The following TPRG1 variants were observed in gnomAD, a reference collection of about 807,000 sequenced individuals.
TPRG1 encodes the protein tumor protein p63-regulated gene 1 protein.
A neutral mutation model predicts 29.3 loss-of-function variants in TPRG1; 29 were observed. The ratio of observed to expected loss-of-function variants is 0.99; its 90% CI spans 0.74 to 1.35. TPRG1 has a LOEUF of 1.35. Among genes scored for constraint, TPRG1 ranks in the 40% most tolerant of loss-of-function variants. The probability of loss-of-function intolerance (pLI) is 0.00; values close to 1 mark genes in which losing one functional copy is unlikely to be tolerated. For missense variants in TPRG1, 327 were observed against 335.0 expected (o/e 0.98, Z 0.19); for synonymous variants, 130 against 116.8 (o/e 1.11, Z -0.73).
intron 5 of TPRG1, among the ~76,000 whole-genome samples, chr3:189,154,214 G>C (rs779225513): frequency 6.6e-6 from 1 of 152,200 alleles, no homozygotes; most frequent in African/African-American, 2.4e-5. Context: ...AAACCTGAGA[G>C]ACAGCCAGAG....
intron 1 of TPRG1, among the ~76,000 whole-genome samples, chr3:189,118,390 T>C (rs571168103): frequency 2.0e-5 from 3 of 152,248 alleles, no homozygotes; most frequent in Admixed American, 2.0e-4. Context: ...AACAATGTGA[T>C]AGAAAAGAAA....
chr3:189,312,288 G>A (rs560270094), intron 5 of TPRG1, among the ~76,000 whole-genome samples: 28 of 150,648 alleles, frequency 1.9e-4, no homozygotes, highest in Middle Eastern at 3.4e-3. Context: ...TGCAAGCTCC[G>A]CCTCCCGGGT....
At chr3:189,304,408 A>G (rs1721309365) in intron 4 of TPRG1, among the ~76,000 whole-genome samples, 1 of 152,016 alleles carries the variant, frequency 6.6e-6, no homozygotes, top group South Asian at 2.1e-4. Context: ...TGCTTTATTT[A>G]TTACTTACCT....
chr3:189,140,477 A>G (rs931272213), intron 3 of TPRG1, among the ~76,000 whole-genome samples: 1 of 152,170 alleles, frequency 6.6e-6, no homozygotes, highest in Non-Finnish European at 1.5e-5. Flanking sequence ...GCTATTACTT[A>G]GTATTAATTA....
At chr3:189,220,423 T>G (rs1181005367) in intron 3 of TPRG1, among the ~76,000 whole-genome samples, 3 of 152,250 alleles carry the variant, frequency 2.0e-5, no homozygotes, top group African/African-American at 7.2e-5. Flanking sequence ...TGAATACAAG[T>G]GCGTATAATT....
intron 1 of TPRG1, among the ~76,000 whole-genome samples, chr3:189,186,005 A>G (rs1465012793): frequency 1.3e-5 from 2 of 152,200 alleles, no homozygotes; most frequent in Non-Finnish European, 2.9e-5. Context: ...AGAACCTTTA[A>G]TTTTAAATAT....
At chr3:189,093,992 A>AT (rs774892809) in intron 4 of TPRG1, among the ~76,000 whole-genome samples, 30 of 152,112 alleles carry the variant, frequency 2.0e-4, no homozygotes, top group Non-Finnish European at 3.1e-4. Flanking sequence ...ATCTATCTAT[A>AT]TTTTTAATAA....
At chr3:189,217,798 C>T in intron 3 of TPRG1, 1 of 979,622 alleles carries the variant, frequency 1.0e-6, no homozygotes, top group Non-Finnish European at 1.2e-6. Context: ...AAATAATTGT[C>T]AAAAAGAGGA....
intron 1 of TPRG1, among the ~76,000 whole-genome samples, chr3:189,125,618 C>T (rs1035375087): frequency 2.6e-5 from 4 of 152,132 alleles, no homozygotes; most frequent in Non-Finnish European, 5.9e-5. Context: ...TTTGGTCTCT[C>T]TATTCATATG....
chr3:189,254,455 G>A (rs185011945), intron 4 of TPRG1, among the ~76,000 whole-genome samples: 2 of 152,290 alleles, frequency 1.3e-5, no homozygotes, highest in East Asian at 1.9e-4. Context: ...CAGGTAGCAT[G>A]ATGCCTCCAG....
At chr3:189,088,006 T>C (rs1243149397) in intron 4 of TPRG1, among the ~76,000 whole-genome samples, 3 of 144,720 alleles carry the variant, frequency 2.1e-5, no homozygotes, top group Non-Finnish European at 4.4e-5. Flanking sequence ...TTTGGTTCCA[T>C]ATGAACTTTA....
At chr3:189,199,545 G>A (rs1194406333) in intron 1 of TPRG1, among the ~76,000 whole-genome samples, 1 of 152,140 alleles carries the variant, frequency 6.6e-6, no homozygotes, top group Non-Finnish European at 1.5e-5. Flanking sequence ...GTAACCTCAA[G>A]AGTAGTATCC....
At chr3:189,039,481 G>A (rs1560409259) in intron 4 of TPRG1, among the ~76,000 whole-genome samples, 3 of 152,162 alleles carry the variant, frequency 2.0e-5, no homozygotes, top group African/African-American at 7.2e-5. Flanking sequence ...ACGTTTAACT[G>A]AAAGGGGAAA....
intron 5 of TPRG1, among the ~76,000 whole-genome samples, chr3:189,160,448 T>A (rs1470815983): frequency 6.6e-6 from 1 of 152,226 alleles, no homozygotes; most frequent in African/African-American, 2.4e-5. Context: ...TGTTGTAATT[T>A]TCTTTACTTC....
At chr3:189,170,729 CT>C (rs1307264418), upstream of TPRG1, among the ~76,000 whole-genome samples, 1 of 152,116 alleles carries the variant, frequency 6.6e-6, no homozygotes, top group Non-Finnish European at 1.5e-5. Context: ...GGTAAAAGGA[CT>C]GTTTATTCAT....
intron 4 of TPRG1, among the ~76,000 whole-genome samples, chr3:189,256,491 G>C (rs887983978): frequency 6.6e-6 from 1 of 152,130 alleles, no homozygotes; most frequent in African/African-American, 2.4e-5. Context: ...GTTGATTTGG[G>C]GTGGAGAGTT....
chr3:189,039,415 T>C (rs543901066), intron 4 of TPRG1, among the ~76,000 whole-genome samples: 1 of 152,140 alleles, frequency 6.6e-6, no homozygotes, highest in African/African-American at 2.4e-5. Context: ...ACATGAATGA[T>C]GTTAGAAATT....
chr3:189,264,781 T>C (rs1368846325), intron 4 of TPRG1, among the ~76,000 whole-genome samples: 1 of 152,236 alleles, frequency 6.6e-6, no homozygotes, highest in Non-Finnish European at 1.5e-5. Context: ...AACTCCCTGA[T>C]TTCTTATCCC....
In TPRG1 at chr3:189,052,668, T is replaced by C. The variant is rs374185225; in HGVS notation, c.-463+28722T>C. Among the ~76,000 whole-genome samples the C allele has an allele frequency of 2.4e-4, 37 of 152,262 alleles. No individual in the cohort carries two copies. The East Asian group carries it at 6.0e-3, about 25-fold the overall frequency. ...ATGTTTGTAGCAGCACAATTCACAA[T>C]TGCAAAATTGTGGAACCAACCCAAA... is the stretch of plus-strand genomic sequence containing the variant. On this transcript the variant is annotated intron_variant, in intron 4 of 10. Coordinates refer to the TPRG1 transcript ENST00000433971.
Sources: allele counts gnomAD v4.1 joint callset (sites outside exome capture counted in the v4.1 genomes callset), GRCh38; gene constraint gnomAD v4.1.1; transcripts MANE v1.5; gene names NCBI Gene and HGNC (gene_info 2026-07-23, HGNC 2026-07-21).